AK5: variants seen among roughly 807,000 people sequenced by gnomAD.
AK5 encodes adenylate kinase 5.
A neutral mutation model predicts 69.5 loss-of-function variants in AK5; 27 were observed. The ratio of observed to expected loss-of-function variants is 0.39; its 90% confidence interval spans 0.29 to 0.54. The LOEUF (loss-of-function observed/expected upper bound fraction) is 0.54. Ranked by LOEUF, AK5 falls within the 20% of genes least tolerant of loss-of-function variation. The pLI is 0.71. For synonymous variants in AK5, 260 were observed against 244.4 expected (o/e 1.06, Z -0.60); for missense variants, 531 against 700.4 (o/e 0.76, Z 2.73).
chr1:77,537,160 C>A (rs991775446), intron 13 of AK5, among the ~76,000 whole-genome samples: 1 of 152,012 alleles, frequency 6.6e-6, no homozygotes, highest in Non-Finnish European at 1.5e-5. Flanking sequence ...GCCCTTTCCT[C>A]CAGTGTAAGG....
At chr1:77,518,502 C>T in intron 10 of AK5, 62 bp from the exon 11 acceptor site, 1 of 1,556,886 alleles carries the variant, frequency 6.4e-7, no homozygotes, top group South Asian at 1.2e-5. Context: ...ACCATGGTGA[C>T]TACCATTAAA....
rs754734812 is a variant in AK5 at position 77,535,957 on chromosome 1, C to G, written c.1539C>G (p.Thr513=). The part of the protein sequence containing the change: ...SSLPVDDTTK[T]IAKRLEAYYR... ...TGCCTGTGGACGACACCACCAAGAC[C>G]ATCGCCAAGCGCCTAGAAGCCTACT... is the stretch of plus-strand genomic sequence containing the variant. The change falls in exon 13 of 14, where the codon ACC becomes ACG. Residue 513 remains threonine, a synonymous_variant. Coordinates refer to ENST00000354567, the MANE Select transcript of AK5 (RefSeq NM_174858.3). 4.4e-5 allele frequency: 71 copies of G among 1,613,968 alleles called. No homozygotes were observed. Among genetic ancestry groups the G allele is most frequent in the Non-Finnish European group, 7.6e-6 (9 of 1,180,032 alleles).
intron 6 of AK5, among the ~76,000 whole-genome samples, chr1:77,347,316 G>A (rs1372557140): frequency 6.6e-6 from 1 of 152,108 alleles, no homozygotes; most frequent in African/African-American, 2.4e-5. Flanking sequence ...GAGAAATACC[G>A]TATCCATTTT....
intron 10 of AK5, among the ~76,000 whole-genome samples, chr1:77,517,081 A>AG (rs555436999): frequency 5.8e-4 from 88 of 151,604 alleles, no homozygotes; most frequent in Middle Eastern, 6.8e-3. Flanking sequence ...AAAAAAAAAA[A>AG]AAGAAGAAGA....
intron 1 of AK5, 130 bp from the exon 2 acceptor site, chr1:77,286,811 C>A: frequency 4.1e-6 from 2 of 492,860 alleles, no homozygotes; most frequent in Non-Finnish European, 6.3e-6. Flanking sequence ...TGTGCCACTG[C>A]ACTCCAGCCT....
At chr1:77,498,141 A>G (rs1456159223) in intron 10 of AK5, among the ~76,000 whole-genome samples, 1 of 152,182 alleles carries the variant, frequency 6.6e-6, no homozygotes, top group East Asian at 1.9e-4. Context: ...TATCTAGAGC[A>G]AATGGCATCA....
chr1:77,283,188 G>A (rs762619035), intron 1 of AK5: 7 of 985,496 alleles, frequency 7.1e-6, no homozygotes, highest in Non-Finnish European at 8.4e-6. Context: ...ACCTTGGTCT[G>A]TTCTAAGCCA....
chr1:77,375,073 G>A (rs1290299656), intron 6 of AK5, among the ~76,000 whole-genome samples: 2 of 152,028 alleles, frequency 1.3e-5, no homozygotes, highest in Non-Finnish European at 2.9e-5. Flanking sequence ...TCTCAATAAC[G>A]CTGTACTATA....
chr1:77,348,352 C>G (rs1301660623), intron 6 of AK5, among the ~76,000 whole-genome samples: 2 of 152,110 alleles, frequency 1.3e-5, no homozygotes, highest in African/African-American at 4.8e-5. Context: ...TTTGTCCTTG[C>G]GATAGTTTGC....
chr1:77,328,876 A>G (rs1660944908), intron 5 of AK5, among the ~76,000 whole-genome samples: 1 of 152,208 alleles, frequency 6.6e-6, no homozygotes. Context: ...TAAAGAACGG[A>G]AGTGAATATG....
rs138168296 is a variant in AK5 at position 77,523,717 on chromosome 1, G to A, written c.1428+1774G>A. Among the ~76,000 whole-genome samples, 631 of 152,054 alleles carry A rather than the reference G, an allele frequency of 4.1e-3. 2 individuals are homozygous for A. Among genetic ancestry groups the A allele is most frequent in the African/African-American group, 0.014 (593 of 41,468 alleles). On this transcript the variant is annotated intron_variant, in intron 12 of 13. Coordinates refer to ENST00000354567, the MANE Select transcript of AK5 (RefSeq NM_174858.3). ...AGACAAGGTTTTGCCCTGTTGCCCTGGCTGGAGTGCAGTGGTGCATTCATA... is the reference window on the plus strand; with the variant it reads ...AGACAAGGTTTTGCCCTGTTGCCCTAGCTGGAGTGCAGTGGTGCATTCATA...
intron 8 of AK5, among the ~76,000 whole-genome samples, chr1:77,456,921 T>TAAA (rs35087048): frequency 2.1e-5 from 3 of 143,858 alleles, no homozygotes; most frequent in African/African-American, 2.6e-5. Context: ...GTAGTTTCCT[T>TAAA]AAAAAAAAAA....
Position 77,558,734 on chromosome 1 carries a change from C to CAAA in AK5, c.*66_*67insAAA. 1 of 1,184,766 alleles carries CAAA rather than the reference C, an allele frequency of 8.4e-7. No homozygotes were observed. Among genetic ancestry groups the CAAA allele is most frequent in the East Asian group, 2.3e-5 (1 of 42,812 alleles). 73.4% of individuals were successfully genotyped at this position (1,184,766 alleles called of 1,614,324 possible). Reference sequence around the variant, plus strand: ...ACATTAAAAAGTTCATTCCTTAACACAATGTTTCAAGTTAAACCTTTTGTG... The same window carrying CAAA: ...ACATTAAAAAGTTCATTCCTTAACACAAAAATGTTTCAAGTTAAACCTTTTGTG... On this transcript the variant is annotated 3_prime_UTR_variant, in exon 14 of 14. Transcript: ENST00000354567.
At position 77,445,902 on chromosome 1, in the gene AK5, A is replaced by G. The variant is rs80218332; in HGVS notation, c.1059+28187A>G. On this transcript the variant is annotated intron_variant, in intron 8 of 13. Transcript: ENST00000354567. ...GCCTGGTCAGCCTTTCCTATTTTTT[A>G]TTGTTTCGTTCACTGTGCAGCTTTT... 2.6e-5 allele frequency among the ~76,000 whole-genome samples: 4 copies of G among 151,866 alleles called. No individual in the cohort carries two copies. The East Asian group carries it at 5.8e-4, about 22-fold the overall frequency.
intron 10 of AK5, among the ~76,000 whole-genome samples, chr1:77,511,828 C>T (rs191441461): frequency 1.3e-5 from 2 of 152,266 alleles, no homozygotes; most frequent in East Asian, 1.9e-4. Context: ...AAGGGGCTGG[C>T]GTCCAGCTAG....
At chr1:77,464,461 G>A (rs1654022917) in intron 8 of AK5, among the ~76,000 whole-genome samples, 1 of 152,218 alleles carries the variant, frequency 6.6e-6, no homozygotes, top group African/African-American at 2.4e-5. Context: ...ACATTGGAGA[G>A]GAGATTGGTT....
intron 6 of AK5, among the ~76,000 whole-genome samples, chr1:77,377,829 A>G (rs968480967): frequency 4.6e-5 from 7 of 151,842 alleles, no homozygotes; most frequent in Non-Finnish European, 8.8e-5. Context: ...TTTTCTTGTT[A>G]TCCTGTTAGC....
chr1:77,346,910 T>C (rs1661946434), intron 6 of AK5, among the ~76,000 whole-genome samples: 1 of 152,138 alleles, frequency 6.6e-6, no homozygotes, highest in South Asian at 2.1e-4. Context: ...CTCCTAAAAT[T>C]ACTAGGAAAA....
intron 5 of AK5, among the ~76,000 whole-genome samples, chr1:77,305,368 G>C (rs1659579921): frequency 6.6e-6 from 1 of 151,930 alleles, no homozygotes; most frequent in Non-Finnish European, 1.5e-5. Context: ...TCTTTTCTTT[G>C]GTTGCCTGTG....
Sources: gnomAD v4.1 joint callset for allele counts (sites outside exome capture counted in the v4.1 genomes callset) on GRCh38, gnomAD v4.1.1 for gene constraint, MANE v1.5 for transcripts, NCBI Gene and HGNC (gene_info 2026-07-23, HGNC 2026-07-21) for gene names.